The following ZNF665 variants were observed in gnomAD, a reference collection of about 807,000 sequenced individuals.
ZNF665 encodes zinc finger protein 665.
ZNF665 carries 6 observed loss-of-function variants against 7.9 expected under a neutral mutation model. That is an observed-to-expected ratio of 0.76 (90% CI 0.42 to 1.50). The LOEUF (loss-of-function observed/expected upper bound fraction) is 1.50. Among genes scored for constraint, ZNF665 ranks in the 40% most tolerant of loss-of-function variants. ZNF665 has a pLI of 0.01. For missense variants in ZNF665, 819 were observed against 806.7 expected, an observed-to-expected ratio of 1.02 and a Z score of -0.18; for synonymous variants, 242 against 274.5, an observed-to-expected ratio of 0.88 and a Z score of 1.17.
At chr19:53,184,530 G>A (rs1373894158) in intron 1 of ZNF665, among the ~76,000 whole-genome samples, 3 of 152,140 alleles carry the variant, frequency 2.0e-5, no homozygotes, top group Non-Finnish European at 4.4e-5. Flanking sequence ...ACTGGACAAA[G>A]GATTCCAGTG....
intron 1 of ZNF665, among the ~76,000 whole-genome samples, chr19:53,184,784 C>T (rs118036905): frequency 0.2 from 30,910 of 151,216 alleles, 3,542 homozygotes; most frequent in Admixed American, 0.25. Flanking sequence ...GCCCCGAATG[C>T]CAGGCCGCGC....
At chr19:53,179,143 G>A (rs1385510196) in intron 2 of ZNF665, among the ~76,000 whole-genome samples, 1 of 152,070 alleles carries the variant, frequency 6.6e-6, no homozygotes, top group Non-Finnish European at 1.5e-5. Flanking sequence ...GGAGGCCGAG[G>A]CGGGTGGATC....
chr19:53,167,457 TCTC>T (rs1385786387), intron 3 of ZNF665, among the ~76,000 whole-genome samples: 2 of 103,918 alleles, frequency 1.9e-5, no homozygotes, highest in Non-Finnish European at 2.4e-5. Flanking sequence ...CAACAATTTC[TCTC>T]TCTTTTTTTT....
At chr19:53,189,944 G>C (rs946890701) in intron 1 of ZNF665, among the ~76,000 whole-genome samples, 9 of 152,240 alleles carry the variant, frequency 5.9e-5, no homozygotes, top group Non-Finnish European at 1.2e-4. Context: ...CAGAAGGCTC[G>C]CACTCTTGTC....
chr19:53,171,524 A>ATATATATAT (rs372855271), intron 3 of ZNF665, among the ~76,000 whole-genome samples: 1,983 of 69,286 alleles, frequency 0.029, 47 homozygotes, highest in Middle Eastern at 0.049. Context: ...ATATATATAT[A>ATATATATAT]TTTTTTTTTT....
intron 2 of ZNF665, chr19:53,182,555 C>T: frequency 1.5e-6 from 1 of 689,640 alleles, no homozygotes; most frequent in Non-Finnish European, 2.6e-6. Flanking sequence ...TCACAGTTTA[C>T]ACAGAGCTGT....
At chr19:53,178,545 A>C (rs143296242) in intron 2 of ZNF665, among the ~76,000 whole-genome samples, 23 of 152,304 alleles carry the variant, frequency 1.5e-4, no homozygotes, top group African/African-American at 5.3e-4. Flanking sequence ...GCAACATAGC[A>C]AGACCTTGTT....
At chr19:53,171,515 TA>T in intron 3 of ZNF665, among the ~76,000 whole-genome samples, 1 of 83,780 alleles carries the variant, frequency 1.2e-5, no homozygotes, top group African/African-American at 4.9e-5. Flanking sequence ...TATATATATA[TA>T]TATATATATT....
At position 53,165,659 on chromosome 19, in the gene ZNF665, T is replaced by C. The variant is rs1294025741; in HGVS notation, c.831A>G (p.Leu277=). ...CAGTATGGATGACCTGATGTGTAGT[T>C]AGTTTTGAATGTGCTCTAAAGGCTT... is the stretch of plus-strand genomic sequence containing the variant. The part of the protein sequence containing the change: ...CGKAFRAHSK[L]TTHQVIHTGE... Residue 277 remains leucine, a synonymous_variant, in exon 4 of 4, where the codon CTA becomes CTG. Coordinates refer to ENST00000396424, the MANE Select transcript of ZNF665 (RefSeq NM_024733.5). 4 of 1,614,050 alleles carry C rather than the reference T, an allele frequency of 2.5e-6. No individual in the cohort carries two copies. Among genetic ancestry groups the C allele is most frequent in the East Asian group, 2.2e-5 (1 of 44,876 alleles).
chr19:53,179,445 CTTTTT>C (rs972019130), intron 2 of ZNF665: 4 of 136,176 alleles, frequency 2.9e-5, no homozygotes, highest in African/African-American at 1.1e-4. Flanking sequence ...AAATTTATTT[CTTTTT>C]TTTGTTTTTT....
At position 53,165,323 on chromosome 19, in the gene ZNF665, T is replaced by C. The variant is rs751071531; in HGVS notation, c.1167A>G (p.Leu389=). Residue 389 remains leucine (L), a synonymous_variant, in exon 4 of 4, where the codon TTA becomes TTG. Coordinates refer to ENST00000396424, the MANE Select transcript of ZNF665 (RefSeq NM_024733.5). ...CGGTATGGATGATCTGATGCTTAGT[T>C]AAGTTTGAATGCATACTGAAGGCTT... is the stretch of plus-strand genomic sequence containing the variant. ...CGKAFSMHSN[L]TKHQIIHTGE... is the part of the protein sequence containing the mutation. The C allele has an allele frequency of 5.0e-6, 8 of 1,613,404 alleles. No individual in the cohort carries two copies. The African/African-American group carries it at 6.7e-5, about 13-fold the overall frequency.
In ZNF665 at chr19:53,164,363, C is replaced by G. The variant is rs974161961; in HGVS notation, c.*90G>C. ...GTGTTGGCCAGCCTGGTCTCGAACT[C>G]GAGACCTCAGGTGATCCCCCCGCCT... On this transcript the variant is annotated 3_prime_UTR_variant, in exon 4 of 4. Coordinates refer to ENST00000396424, the MANE Select transcript of ZNF665 (RefSeq NM_024733.5). The G allele has an allele frequency of 2.3e-5, 25 of 1,071,176 alleles. No homozygotes were observed. The highest frequency in any genetic ancestry group is 5.9e-4 in the Middle Eastern group (2 of 3,392). The allele number at this position is 1,071,176 out of a possible 1,614,324, so 66.4% of individuals were successfully genotyped here.
Position 53,172,471 on chromosome 19 carries a change from G to T in ZNF665, c.142+2974C>A, listed in dbSNP as rs1029204635. Among the ~76,000 whole-genome samples, 4 of 152,090 alleles carry T rather than the reference G, an allele frequency of 2.6e-5. No homozygotes were observed. The East Asian group carries it at 7.7e-4, about 29-fold the overall frequency. ...ACAGTAGCCATTCTGACAACTACGT[G>T]ATATTTTATGCTGCTTTAAATTTTT... On this transcript the variant is annotated intron_variant, in intron 3 of 3. Coordinates refer to ENST00000396424, the MANE Select transcript of ZNF665 (RefSeq NM_024733.5).
intron 3 of ZNF665, among the ~76,000 whole-genome samples, chr19:53,171,890 G>T (rs970031015): frequency 1.3e-5 from 2 of 151,978 alleles, no homozygotes; most frequent in African/African-American, 4.8e-5. Context: ...ACCTAGCTGG[G>T]ATTACAGGCA....
At chr19:53,171,798 A>C (rs1344526337) in intron 3 of ZNF665, among the ~76,000 whole-genome samples, 1 of 151,984 alleles carries the variant, frequency 6.6e-6, no homozygotes, top group Non-Finnish European at 1.5e-5. Context: ...TCTGATGCCC[A>C]AGCTAGAGGG....
At chr19:53,181,260 A>G (rs1035003014) in intron 2 of ZNF665, 2 of 152,084 alleles carry the variant, frequency 1.3e-5, no homozygotes, top group African/African-American at 4.8e-5. Context: ...ATCTTTACAA[A>G]AAATATAAAA....
At position 53,171,504 on chromosome 19, in the gene ZNF665, G is replaced by GTGTGTATATATATATATA. The variant is rs140482885; in HGVS notation, c.142+3940_142+3941insTATATATATATATACACA. On this transcript the variant is annotated intron_variant, in intron 3 of 3. Transcript: ENST00000396424. ...TCTTTACATTTGTGTGTGTGTGTGT[G>GTGTGTATATATATATATA]TATATATATATATATATATATTTTT... Among the ~76,000 whole-genome samples, 230 of 57,678 alleles carry GTGTGTATATATATATATA rather than the reference G, an allele frequency of 4.0e-3. 4 individuals carry two copies. Among genetic ancestry groups the GTGTGTATATATATATATA allele is most frequent in the South Asian group, 0.016 (11 of 690 alleles). 37.8% of individuals were successfully genotyped at this position (57,678 alleles called of 152,430 possible).
At chr19:53,192,903 A>C (rs767221356) in intron 1 of ZNF665, among the ~76,000 whole-genome samples, 11 of 152,210 alleles carry the variant, frequency 7.2e-5, no homozygotes, top group South Asian at 4.1e-4. Context: ...GGGGTGGGGT[A>C]TGCAGGATCC....
chr19:53,169,348 A>G (rs2090640393), intron 3 of ZNF665, among the ~76,000 whole-genome samples: 1 of 151,928 alleles, frequency 6.6e-6, no homozygotes, highest in Non-Finnish European at 1.5e-5. Flanking sequence ...GGAAAATACA[A>G]ATTAAACTAC....
Sources: allele counts gnomAD v4.1 joint callset (sites outside exome capture counted in the v4.1 genomes callset), GRCh38; gene constraint gnomAD v4.1.1; transcripts MANE v1.5; gene names NCBI Gene and HGNC (gene_info 2026-07-23, HGNC 2026-07-21).